ALDH2: variants seen among roughly 807,000 people sequenced by gnomAD.
The protein encoded by ALDH2 is aldehyde dehydrogenase 2 family member, also known as aldehyde dehydrogenase, mitochondrial.
A neutral mutation model predicts 59.6 loss-of-function variants in ALDH2; 44 were observed. That is an observed-to-expected ratio of 0.74 (90% CI 0.58 to 0.95). The LOEUF is 0.95. Among genes scored for constraint, ALDH2 ranks in the 40% least tolerant of loss-of-function variants. The probability of loss-of-function intolerance (pLI) is 0.00; values close to 1 mark genes in which losing one functional copy is unlikely to be tolerated. For synonymous variants in ALDH2, 291 were observed against 284.0 expected (o/e 1.02, Z -0.25); for missense variants, 570 against 696.3 (o/e 0.82, Z 2.04).
In ALDH2 at chr12:111,810,575, G is replaced by T. The variant is rs1311245967; in HGVS notation, c.*1000G>T. The T allele has an allele frequency of 6.6e-6, 1 of 152,152 alleles. No homozygotes were observed. The highest frequency in any genetic ancestry group is 1.5e-5 in the Non-Finnish European group (1 of 68,124). 9.4% of individuals were successfully genotyped at this position (152,152 alleles called of 1,614,324 possible). On this transcript the variant is annotated 3_prime_UTR_variant, in exon 13 of 13. Transcript: ENST00000261733. ...ACCTAAACATGATGCCCAAGAGAGG[G>T]GAGAGATACTGAATGTCCAATGTTC...
chr12:111,781,341 C>A (rs960243505), intron 1 of ALDH2, among the ~76,000 whole-genome samples: 1 of 152,118 alleles, frequency 6.6e-6, no homozygotes, highest in Admixed American at 6.6e-5. Flanking sequence ...TCTTAGGAAG[C>A]CTTTCAGCTT....
chr12:111,804,965 T>G (rs1566196203), intron 12 of ALDH2, among the ~76,000 whole-genome samples: 1 of 152,186 alleles, frequency 6.6e-6, no homozygotes, highest in Non-Finnish European at 1.5e-5. Flanking sequence ...AAGCGTTCCT[T>G]CCATAAATAT....
intron 11 of ALDH2, among the ~76,000 whole-genome samples, chr12:111,802,619 A>G (rs113635624): frequency 0.11 from 17,233 of 151,324 alleles, 1,026 homozygotes; most frequent in South Asian, 0.16. Flanking sequence ...TGTGGTTCAC[A>G]CCTGTAATCC....
At position 111,801,468 on chromosome 12, in the gene ALDH2, G is replaced by A. The variant is rs141985715; in HGVS notation, c.1406+1405G>A. Among the ~76,000 whole-genome samples, 899 of 152,240 alleles carry A rather than the reference G, an allele frequency of 5.9e-3. 11 individuals carry two copies. The highest frequency in any genetic ancestry group is 0.02 in the African/African-American group (847 of 41,538). ...AATCCCAGCACTTTGGGAAGCCGAGGTGGGTAGGTCACTTGAGGTCAAGAG... is the reference window on the plus strand; with the variant it reads ...AATCCCAGCACTTTGGGAAGCCGAGATGGGTAGGTCACTTGAGGTCAAGAG... On this transcript the variant is annotated intron_variant, in intron 11 of 12. Transcript: ENST00000261733.
intron 9 of ALDH2, among the ~76,000 whole-genome samples, chr12:111,796,991 T>C (rs1428705494): frequency 6.6e-6 from 1 of 150,820 alleles, no homozygotes; most frequent in African/African-American, 2.4e-5. Flanking sequence ...TGAGACGAAG[T>C]CTCTGTTGCC....
intron 1 of ALDH2, among the ~76,000 whole-genome samples, chr12:111,780,368 C>T (rs1471543567): frequency 6.6e-6 from 1 of 152,162 alleles, no homozygotes; most frequent in Non-Finnish European, 1.5e-5. Context: ...GTCTTGGGAC[C>T]CGCCCTCCTC....
rs141025702 is a variant in ALDH2 at position 111,792,770 on chromosome 12, G to A, written c.1071G>A (p.Glu357=). ...VVGNPFDSKT[E]QGPQVDETQF... is the part of the protein sequence containing the mutation. ...GGAACCCCTTTGATAGCAAGACCGA[G>A]CAGGGGCCGCAGGTGAGCCAGGCAG... Residue 357 remains glutamate (E), a synonymous_variant, in exon 9 of 13, where the codon GAG becomes GAA. Coordinates refer to ENST00000261733, the MANE Select transcript of ALDH2 (RefSeq NM_000690.4). The A allele has an allele frequency of 2.6e-6, 4 of 1,550,046 alleles. No homozygotes were observed. The highest frequency in any genetic ancestry group is 3.5e-6 in the Non-Finnish European group (4 of 1,147,906).
At chr12:111,777,851 C>A (rs750607974) in intron 1 of ALDH2, among the ~76,000 whole-genome samples, 1 of 152,178 alleles carries the variant, frequency 6.6e-6, no homozygotes, top group South Asian at 2.1e-4. Flanking sequence ...AGAAGGGTGC[C>A]ATTTCCCTAA....
In ALDH2 at chr12:111,787,993, C is replaced by G. The variant is rs554548151; in HGVS notation, c.441-1830C>G. ...GGTGGAGCTTGCAGTGAGCTGAGAT[C>G]GCGCCACTGCACTCCAGCCTGGGCA... is the stretch of plus-strand genomic sequence containing the variant. On this transcript the variant is annotated intron_variant, in intron 4 of 12. Coordinates refer to ENST00000261733, the MANE Select transcript of ALDH2 (RefSeq NM_000690.4). Among the ~76,000 whole-genome samples, 315 of 151,840 alleles carry G rather than the reference C, an allele frequency of 2.1e-3. 1 individual carries two copies. Among genetic ancestry groups the G allele is most frequent in the Admixed American group, 7.9e-3 (120 of 15,258 alleles).
intron 2 of ALDH2, among the ~76,000 whole-genome samples, chr12:111,782,790 A>G (rs967807639): frequency 1.2e-4 from 19 of 152,138 alleles, no homozygotes; most frequent in African/African-American, 4.3e-4. Flanking sequence ...AGGCTGAGGT[A>G]GGATAATTGC....
intron 9 of ALDH2, 28 bp downstream of exon 9, chr12:111,792,810 G>T (rs753973836): frequency 6.5e-7 from 1 of 1,536,760 alleles, no homozygotes; most frequent in South Asian, 1.2e-5. Flanking sequence ...GCAGGGTCTG[G>T]GTGTCTAGAG....
chr12:111,776,289 T>C (rs2068234165), intron 1 of ALDH2, among the ~76,000 whole-genome samples: 1 of 152,184 alleles, frequency 6.6e-6, no homozygotes, highest in Non-Finnish European at 1.5e-5. Context: ...ATCTTTAAGC[T>C]ACGAGAGAGC....
Position 111,800,056 on chromosome 12 carries a change from A to G in ALDH2, c.1399A>G (p.Thr467Ala), listed in dbSNP as rs972388995. The change falls in exon 11 of 13, where the codon ACT becomes GCT. Residue 467 changes from threonine (T) to alanine (A), a missense_variant. Transcript: ENST00000261733. ...CCTGTCCCAGGCCCTCCAGGCGGGC[A>G]CTGTGTGGTAAGAGCCTCCCAGCAG... is the stretch of plus-strand genomic sequence containing the variant. ...NYLSQALQAG[T>A]VWVNCYDVFG... is the part of the protein sequence containing the mutation. 6.2e-7 allele frequency: 1 copy of G among 1,611,842 alleles called. No homozygotes were observed. Among genetic ancestry groups the G allele is most frequent in the Non-Finnish European group, 8.5e-7 (1 of 1,179,410 alleles).
rs1004230033 is a variant in ALDH2, at chr12:111,817,283, A to G, written c.*7708A>G. ...CTCTATGGGCACAATGAGTAAGTTG[A>G]GTTAGAAGATGTTTCATGAAGTGCA... On this transcript the variant is annotated 3_prime_UTR_variant, in exon 13 of 13. Transcript: ENST00000261733. 2 of 152,234 alleles carry G rather than the reference A, an allele frequency of 1.3e-5. No homozygotes were observed. The highest frequency in any genetic ancestry group is 4.8e-5 in the African/African-American group (2 of 41,464). 9.4% of individuals were successfully genotyped at this position (152,234 alleles called of 1,614,324 possible). A position where few individuals can be genotyped will look rare whatever the true frequency, so the allele number is the denominator to read the frequency against.
At chr12:111,802,638 T>C (rs1472044966) in intron 11 of ALDH2, among the ~76,000 whole-genome samples, 1 of 150,838 alleles carries the variant, frequency 6.6e-6, no homozygotes, top group Non-Finnish European at 1.5e-5. Context: ...CCCAGCACTT[T>C]GGGAGGCCAA....
At chr12:111,803,052 A>C (rs1173331165) in intron 11 of ALDH2, among the ~76,000 whole-genome samples, 1 of 143,850 alleles carries the variant, frequency 7.0e-6, no homozygotes, top group Non-Finnish European at 1.5e-5. Flanking sequence ...TTAGCTGGGC[A>C]TGGTAGCATG....
At chr12:111,792,914 A>T in intron 9 of ALDH2, 132 bp downstream of exon 9, 11 of 1,021,366 alleles carry the variant, frequency 1.1e-5, no homozygotes, top group South Asian at 5.2e-5. Context: ...TGCCTTTGGG[A>T]AGCTATGTTC....
intron 12 of ALDH2, among the ~76,000 whole-genome samples, chr12:111,807,326 T>C (rs1221717250): frequency 6.6e-6 from 1 of 150,424 alleles, no homozygotes; most frequent in Non-Finnish European, 1.5e-5. Flanking sequence ...ATCCCCACCA[T>C]AAAGCTATGA....
Position 111,775,870 on chromosome 12 carries a change from C to A in ALDH2, c.115-6048C>A, listed in dbSNP as rs566207615. ...GAACAGTTCCTACCCAGCCCCCCACCGGGGAGGGAAGCCACTGAGTCTGGC... is the reference window on the plus strand; with the variant it reads ...GAACAGTTCCTACCCAGCCCCCCACAGGGGAGGGAAGCCACTGAGTCTGGC... On this transcript the variant is annotated intron_variant, in intron 1 of 12. Coordinates refer to ENST00000261733, the MANE Select transcript of ALDH2 (RefSeq NM_000690.4). 2.5e-3 allele frequency: 577 copies of A among 229,528 alleles called. 18 individuals carry two copies. The highest frequency in any genetic ancestry group is 0.023 in the South Asian group (567 of 24,494). The allele number at this position is 229,528 out of a possible 1,614,324, so 14.2% of individuals were successfully genotyped here. A position where few individuals can be genotyped will look rare whatever the true frequency, so the allele number is the denominator to read the frequency against.
Sources: gnomAD v4.1 joint callset for allele counts (sites outside exome capture counted in the v4.1 genomes callset) on GRCh38, gnomAD v4.1.1 for gene constraint, MANE v1.5 for transcripts, NCBI Gene and HGNC (gene_info 2026-07-23, HGNC 2026-07-21) for gene names.